Variants in SUSD1 observed in about 807,000 individuals in gnomAD.
SUSD1 encodes sushi domain containing 1, also known as sushi domain-containing protein 1.
SUSD1 carries 65 observed loss-of-function variants against 86.9 expected under a neutral mutation model. The observed-to-expected ratio is 0.75, with a 90% CI of 0.61 to 0.92. The LOEUF (loss-of-function observed/expected upper bound fraction) is 0.92. Ranked by LOEUF, SUSD1 falls within the 40% of genes least tolerant of loss-of-function variation. The pLI, the probability that SUSD1 is intolerant of heterozygous loss-of-function variation, is 0.00. For missense variants in SUSD1, 850 were observed against 929.7 expected, an observed-to-expected ratio of 0.91 and a Z score of 1.11; for synonymous variants, 346 against 350.0, an observed-to-expected ratio of 0.99 and a Z score of 0.13.
In SUSD1 at chr9:112,102,226, A is replaced by G. The variant is rs1302036487; in HGVS notation, c.1231T>C (p.Leu411=). ...TTCCTAGAACGCCTGTTCAATTTCA[A>G]ACAAGTTTCATTAAATATTGAAATA... ...FNISIFNETC[L]KLNRRSRKVG... is the part of the protein sequence containing the mutation. Residue 411 remains leucine (L), a synonymous_variant, in exon 9 of 17, where the codon TTG becomes CTG. Coordinates refer to ENST00000374270, the MANE Select transcript of SUSD1 (RefSeq NM_022486.5). 6.2e-7 allele frequency: 1 copy of G among 1,603,848 alleles called. No individual in the cohort carries two copies. Among genetic ancestry groups the G allele is most frequent in the Admixed American group, 1.7e-5 (1 of 58,066 alleles).
intron 13 of SUSD1, among the ~76,000 whole-genome samples, chr9:112,061,763 T>C (rs192150254): frequency 1.1e-4 from 17 of 152,298 alleles, no homozygotes; most frequent in Admixed American, 7.8e-4. Context: ...TAAATGGATA[T>C]ACAGATAATA....
intron 2 of SUSD1, among the ~76,000 whole-genome samples, chr9:112,155,322 A>G (rs998904861): frequency 1.3e-5 from 2 of 152,018 alleles, no homozygotes; most frequent in Non-Finnish European, 2.9e-5. Context: ...GAACAGAAAA[A>G]TTTATCCATT....
chr9:112,163,507 G>A (rs1833656921), intron 1 of SUSD1, among the ~76,000 whole-genome samples: 1 of 151,194 alleles, frequency 6.6e-6, no homozygotes, highest in Non-Finnish European at 1.5e-5. Flanking sequence ...GCATGGTGGT[G>A]CATAGCTGTA....
intron 3 of SUSD1, among the ~76,000 whole-genome samples, chr9:112,148,906 T>TAAA (rs34699293): frequency 7.0e-6 from 1 of 142,176 alleles, no homozygotes; most frequent in Non-Finnish European, 1.5e-5. Flanking sequence ...ACCCCCCCCT[T>TAAA]AAAAAAAAAA....
At chr9:112,120,933 T>C (rs10817267) in intron 6 of SUSD1, among the ~76,000 whole-genome samples, 99,183 of 152,100 alleles carry the variant, frequency 0.65, 33,034 homozygotes, top group African/African-American at 0.77. Context: ...CCAGCAGTTG[T>C]TCTGTGTCGG....
intron 10 of SUSD1, among the ~76,000 whole-genome samples, chr9:112,091,797 G>A (rs1360741245): frequency 2.0e-5 from 3 of 152,090 alleles, no homozygotes; most frequent in Non-Finnish European, 4.4e-5. Context: ...ATATAATATG[G>A]TTCAAAGCTG....
At chr9:112,099,930 A>G (rs992392488) in intron 9 of SUSD1, among the ~76,000 whole-genome samples, 6 of 152,198 alleles carry the variant, frequency 3.9e-5, no homozygotes, top group African/African-American at 9.6e-5. Flanking sequence ...TTTGAGCTCA[A>G]TGCTATGAAC....
intron 10 of SUSD1, among the ~76,000 whole-genome samples, chr9:112,093,310 C>T (rs1830273784): frequency 6.6e-6 from 1 of 152,172 alleles, no homozygotes; most frequent in African/African-American, 2.4e-5. Context: ...CAGGTTGCCA[C>T]CCAAACAAAA....
intron 6 of SUSD1, among the ~76,000 whole-genome samples, chr9:112,115,486 A>C (rs1215767105): frequency 1.3e-5 from 2 of 152,150 alleles, no homozygotes; most frequent in African/African-American, 4.8e-5. Flanking sequence ...CCTAGAACAC[A>C]CACAATTTGA....
At chr9:112,136,434 A>G (rs576507010) in intron 5 of SUSD1, among the ~76,000 whole-genome samples, 8 of 152,252 alleles carry the variant, frequency 5.3e-5, no homozygotes, top group South Asian at 2.1e-4. Context: ...AGGTCTCACT[A>G]TGTTTTCCGG....
rs141505699 is a variant in SUSD1 at position 112,165,983 on chromosome 9, AAG to A, written c.104-8372_104-8371del. On this transcript the variant is annotated intron_variant, in intron 1 of 16. Transcript: ENST00000374270. ...AAAGAAAGAAAGAAAGAAAGAAAGAAAGAAAGAAAGAAAATAATTTAGCATAA... is the reference window on the plus strand; with the variant it reads ...AAAGAAAGAAAGAAAGAAAGAAAGAAAAAGAAAGAAAATAATTTAGCATAA... Among the ~76,000 whole-genome samples, 7 of 151,566 alleles carry A rather than the reference AAG, an allele frequency of 4.6e-5. No individual in the cohort carries two copies. In the East Asian group the frequency reaches 1.5e-3, roughly 32 times the overall value.
At position 112,098,334 on chromosome 9, in the gene SUSD1, G is replaced by T. The variant is rs1830484072; in HGVS notation, c.1474+136C>A. ...GATTCAGGCATCCTGAACCCCAGAC[G>T]CAGCTAACAAAGTTTGTTAGAACTG... On this transcript the variant is annotated intron_variant, in intron 10 of 16. Coordinates refer to ENST00000374270, the MANE Select transcript of SUSD1 (RefSeq NM_022486.5). 5 of 812,832 alleles carry T rather than the reference G, an allele frequency of 6.2e-6. No homozygotes were observed. The East Asian group carries it at 1.1e-4, about 17-fold the overall frequency. 50.4% of individuals were successfully genotyped at this position (812,832 alleles called of 1,614,324 possible). A position where few individuals can be genotyped will look rare whatever the true frequency, so the allele number is the denominator to read the frequency against.
intron 12 of SUSD1, among the ~76,000 whole-genome samples, chr9:112,075,460 C>T (rs1829476376): frequency 6.6e-6 from 1 of 152,160 alleles, no homozygotes; most frequent in South Asian, 2.1e-4. Context: ...GGCACAGAGA[C>T]TCATGCCTAT....
chr9:112,099,641 G>T (rs1416339682), intron 9 of SUSD1, among the ~76,000 whole-genome samples: 1 of 152,176 alleles, frequency 6.6e-6, no homozygotes, highest in Non-Finnish European at 1.5e-5. Context: ...CTTTCGTGAA[G>T]GTCCTATAAG....
chr9:112,063,506 G>A (rs1381699061), intron 12 of SUSD1, among the ~76,000 whole-genome samples: 1 of 152,256 alleles, frequency 6.6e-6, no homozygotes, highest in Non-Finnish European at 1.5e-5. Flanking sequence ...GCAGAGGATA[G>A]ATGTGGTGAG....
chr9:112,124,202 G>A, intron 6 of SUSD1, 55 bp downstream of exon 6: 1 of 1,541,120 alleles, frequency 6.5e-7, no homozygotes, highest in South Asian at 1.2e-5. Flanking sequence ...TAGGCCCTCG[G>A]CTCCCACTGG....
chr9:112,100,328 A>G (rs1014023000), intron 9 of SUSD1, among the ~76,000 whole-genome samples: 1 of 152,068 alleles, frequency 6.6e-6, no homozygotes, highest in Non-Finnish European at 1.5e-5. Flanking sequence ...CTGGGACTAC[A>G]GGTGCCCGCC....
intron 5 of SUSD1, among the ~76,000 whole-genome samples, chr9:112,141,399 AG>A (rs1220532592): frequency 6.6e-6 from 1 of 152,202 alleles, no homozygotes; most frequent in Non-Finnish European, 1.5e-5. Flanking sequence ...AATATCAGCC[AG>A]GCGCAGTGGC....
At chr9:112,062,260 A>T (rs1828761967) in intron 13 of SUSD1, among the ~76,000 whole-genome samples, 1 of 152,250 alleles carries the variant, frequency 6.6e-6, no homozygotes, top group Admixed American at 6.5e-5. Flanking sequence ...CCATCCATAA[A>T]GGATGTACTA....
Sources: allele counts gnomAD v4.1 joint callset (sites outside exome capture counted in the v4.1 genomes callset), GRCh38; gene constraint gnomAD v4.1.1; transcripts MANE v1.5; gene names NCBI Gene and HGNC (gene_info 2026-07-23, HGNC 2026-07-21).